Variants in BTAF1 observed in about 807,000 individuals in gnomAD.
BTAF1 encodes TATA-binding protein-associated factor 172.
In BTAF1, 38 loss-of-function variants were observed where a neutral mutation model predicts 227.1. The ratio of observed to expected loss-of-function variants is 0.17; its 90% CI spans 0.13 to 0.22. The LOEUF (loss-of-function observed/expected upper bound fraction) is 0.22. BTAF1 is among the 10% of genes least tolerant of loss of function. The pLI, the probability that BTAF1 is intolerant of heterozygous loss-of-function variation, is 1.00. For missense variants in BTAF1, 1,598 were observed against 2,204.0 expected, an observed-to-expected ratio of 0.73 and a Z score of 5.51; for synonymous variants, 742 against 751.9, an observed-to-expected ratio of 0.99 and a Z score of 0.21.
At chr10:91,955,866 A>C (rs1846052059) in intron 6 of BTAF1, among the ~76,000 whole-genome samples, 1 of 152,140 alleles carries the variant, frequency 6.6e-6, no homozygotes. Context: ...TGGCCAAATA[A>C]ATTTCACTAT....
In BTAF1 at chr10:92,001,966, AAC is replaced by A. The variant is rs1447710840; in HGVS notation, c.3660+4216_3660+4217del. 3.8e-4 allele frequency among the ~76,000 whole-genome samples: 24 copies of A among 63,302 alleles called. 1 individual carries two copies. Among genetic ancestry groups the A allele is most frequent in the South Asian group, 1.6e-3 (3 of 1,882 alleles). The allele number at this position is 63,302 out of a possible 152,430, so 41.5% of individuals were successfully genotyped here. ...TGTCTCAAAAAAAAAAAAAAAAAAA[AAC>A]CATATATATATATATATACACACAC... On this transcript the variant is annotated intron_variant, in intron 25 of 37. Coordinates refer to ENST00000265990, the MANE Select transcript of BTAF1 (RefSeq NM_003972.3).
chr10:91,991,832 T>TATACAC (rs1466556430), intron 20 of BTAF1, among the ~76,000 whole-genome samples: 10 of 11,272 alleles, frequency 8.9e-4, no homozygotes, highest in African/African-American at 1.3e-3. Flanking sequence ...TATATATATA[T>TATACAC]ACACACATAT....
At chr10:92,003,059 G>A (rs1849653379) in intron 25 of BTAF1, among the ~76,000 whole-genome samples, 1 of 151,958 alleles carries the variant, frequency 6.6e-6, no homozygotes, top group Admixed American at 6.6e-5. Flanking sequence ...CAGGAGGCTA[G>A]GCAGGAGAAT....
At chr10:92,013,614 A>G in intron 30 of BTAF1, 53 bp from the exon 31 acceptor site, 1 of 1,605,384 alleles carries the variant, frequency 6.2e-7, no homozygotes, top group Admixed American at 1.7e-5. Flanking sequence ...TTACTTTTTT[A>G]GTTGTAAGGA....
chr10:91,966,839 C>A, intron 14 of BTAF1, 82 bp downstream of exon 14: 1 of 1,335,282 alleles, frequency 7.5e-7, no homozygotes, highest in East Asian at 2.5e-5. Flanking sequence ...CTTACCCTTG[C>A]TGTATATCCA....
intron 19 of BTAF1, among the ~76,000 whole-genome samples, chr10:91,988,532 A>G (rs535631088): frequency 1.3e-5 from 2 of 152,378 alleles, no homozygotes; most frequent in South Asian, 4.1e-4. Flanking sequence ...AGTCTGGTAC[A>G]ACAGTCCTGT....
chr10:92,004,497 T>C (rs1384596964), intron 25 of BTAF1, among the ~76,000 whole-genome samples: 1 of 152,216 alleles, frequency 6.6e-6, no homozygotes, highest in Non-Finnish European at 1.5e-5. Context: ...AGAAAAGGTC[T>C]CACTCTGTTG....
chr10:91,957,877 C>CAA (rs1269254924), intron 8 of BTAF1, among the ~76,000 whole-genome samples: 1 of 152,126 alleles, frequency 6.6e-6, no homozygotes, highest in Non-Finnish European at 1.5e-5. Context: ...GGCACAGTGT[C>CAA]AATAGCTTGT....
At position 91,980,437 on chromosome 10, in the gene BTAF1, T is replaced by A. The variant is rs775504240; in HGVS notation, c.1651-17T>A. On this transcript the variant is annotated splice_polypyrimidine_tract_variant and intron_variant, in intron 14 of 37. Coordinates refer to ENST00000265990, the MANE Select transcript of BTAF1 (RefSeq NM_003972.3). ...AGAATTATATGCTACAGCTTTTAAT[T>A]CTGTTTTTGTTTTCAGAACTCTTCA... 6.4e-7 allele frequency: 1 copy of A among 1,562,136 alleles called. No individual in the cohort carries two copies. The highest frequency in any genetic ancestry group is 1.1e-5 in the South Asian group (1 of 89,590).
intron 1 of BTAF1, among the ~76,000 whole-genome samples, chr10:91,934,237 T>C (rs1024538529): frequency 6.6e-6 from 1 of 152,112 alleles, no homozygotes; most frequent in Non-Finnish European, 1.5e-5. Flanking sequence ...CTATTTTGAT[T>C]TAATTTTTTT....
chr10:91,975,486 T>C (rs963906472), intron 14 of BTAF1, among the ~76,000 whole-genome samples: 1 of 152,206 alleles, frequency 6.6e-6, no homozygotes, highest in African/African-American at 2.4e-5. Context: ...GAGAAATGAA[T>C]AGAACAAGGC....
chr10:91,997,105 A>G (rs1564705336), intron 24 of BTAF1: 2 of 1,287,992 alleles, frequency 1.6e-6, no homozygotes, highest in Non-Finnish European at 2.0e-6. Flanking sequence ...CAAAAGATGG[A>G]TGAAGATCAA....
At chr10:92,013,167 G>A (rs1481651166) in intron 30 of BTAF1, among the ~76,000 whole-genome samples, 2 of 152,158 alleles carry the variant, frequency 1.3e-5, no homozygotes, top group East Asian at 1.9e-4. Context: ...AAAAAGTGCT[G>A]GTTTCTTTTT....
At chr10:91,970,313 A>T (rs1847198284) in intron 14 of BTAF1, among the ~76,000 whole-genome samples, 1 of 152,166 alleles carries the variant, frequency 6.6e-6, no homozygotes, top group South Asian at 2.1e-4. Context: ...TGGGAAATAA[A>T]AAAAAGAAAT....
At chr10:91,930,937 G>T (rs1844238449) in intron 1 of BTAF1, among the ~76,000 whole-genome samples, 1 of 152,104 alleles carries the variant, frequency 6.6e-6, no homozygotes, top group African/African-American at 2.4e-5. Context: ...TATCAGAGAG[G>T]TTAAATATAT....
chr10:91,947,787 T>A (rs897460877), intron 4 of BTAF1, among the ~76,000 whole-genome samples: 3 of 151,578 alleles, frequency 2.0e-5, no homozygotes, highest in Non-Finnish European at 4.4e-5. Flanking sequence ...GCAATTTTGT[T>A]GAATCTCTGT....
chr10:91,973,918 A>AG (rs1251761006), intron 14 of BTAF1, among the ~76,000 whole-genome samples: 2 of 151,512 alleles, frequency 1.3e-5, no homozygotes, highest in African/African-American at 2.4e-5. Context: ...AAAAAAAAAA[A>AG]AAAAAGAAAC....
chr10:92,015,797 T>C (rs957102484), intron 32 of BTAF1, among the ~76,000 whole-genome samples: 4 of 152,210 alleles, frequency 2.6e-5, no homozygotes, highest in Non-Finnish European at 5.9e-5. Flanking sequence ...TTTTCTTTTC[T>C]TTCACATTAT....
intron 25 of BTAF1, among the ~76,000 whole-genome samples, chr10:92,006,906 C>T (rs1347131667): frequency 6.6e-6 from 1 of 152,088 alleles, no homozygotes; most frequent in South Asian, 2.1e-4. Flanking sequence ...GTTTAATACC[C>T]ATAAATCTTT....
Sources: allele counts gnomAD v4.1 joint callset (sites outside exome capture counted in the v4.1 genomes callset), GRCh38; gene constraint gnomAD v4.1.1; transcripts MANE v1.5; gene names NCBI Gene and HGNC (gene_info 2026-07-23, HGNC 2026-07-21).